Variants in MALT1 observed in about 807,000 individuals in gnomAD.
The protein encoded by MALT1 is MALT1 paracaspase, also known as mucosa-associated lymphoid tissue lymphoma translocation protein 1.
In MALT1, 36 loss-of-function variants were observed where a neutral mutation model predicts 85.5. The ratio of observed to expected loss-of-function variants is 0.42; its 90% confidence interval spans 0.32 to 0.56. The LOEUF is 0.56. MALT1 is among the 20% of genes least tolerant of loss of function. The pLI is 0.10. For missense variants in MALT1, 716 were observed against 981.6 expected, an observed-to-expected ratio of 0.73 and a Z score of 3.62; for synonymous variants, 359 against 361.3, an observed-to-expected ratio of 0.99 and a Z score of 0.07.
chr18:58,733,992 A>G, intron 11 of MALT1: 1 of 1,176,518 alleles, frequency 8.5e-7, no homozygotes, highest in Non-Finnish European at 1.1e-6. Context: ...TTTGGATCCC[A>G]TTTGTCTGCC....
intron 9 of MALT1, 82 bp downstream of exon 9, chr18:58,716,049 T>A: frequency 9.5e-7 from 1 of 1,056,182 alleles, no homozygotes; most frequent in Non-Finnish European, 1.4e-6. Context: ...TTTAATTTGG[T>A]TTTTTAAAGA....
At chr18:58,692,436 C>G (rs1328878140) in intron 2 of MALT1, among the ~76,000 whole-genome samples, 1 of 54,742 alleles carries the variant, frequency 1.8e-5, no homozygotes, top group African/African-American at 7.6e-5. Context: ...CTCTCTCTCT[C>G]ACTCTCTCCC....
intron 9 of MALT1, among the ~76,000 whole-genome samples, chr18:58,721,565 A>G (rs1486045592): frequency 1.3e-5 from 2 of 152,228 alleles, no homozygotes; most frequent in Admixed American, 1.3e-4. Flanking sequence ...AATAGAGATG[A>G]CATGATATAA....
rs115994644 is a variant in MALT1 at position 58,704,062 on chromosome 18, G to C, written c.649+3471G>C. Among the ~76,000 whole-genome samples the C allele has an allele frequency of 4.2e-3, 641 of 152,210 alleles. 7 individuals carry two copies. Among genetic ancestry groups the C allele is most frequent in the African/African-American group, 0.014 (593 of 41,534 alleles). ...TTCCATTGTATGGATTGACTAGTTTGTTTATTCATTCTCCTGTTGATAGAC... is the reference window on the plus strand; with the variant it reads ...TTCCATTGTATGGATTGACTAGTTTCTTTATTCATTCTCCTGTTGATAGAC... On this transcript the variant is annotated intron_variant, in intron 4 of 16. Coordinates refer to ENST00000649217, the MANE Select transcript of MALT1 (RefSeq NM_006785.4).
chr18:58,749,143 CATTATTCACAGTAATT>C lies in MALT1; in HGVS notation c.*1304_*1319del. 4.6e-6 allele frequency: 1 copy of C among 217,866 alleles called. No individual in the cohort carries two copies. The highest frequency in any genetic ancestry group is 9.2e-6 in the Non-Finnish European group (1 of 108,518). 13.5% of individuals were successfully genotyped at this position (217,866 alleles called of 1,614,324 possible). On this transcript the variant is annotated 3_prime_UTR_variant, in exon 17 of 17. Transcript: ENST00000649217. ...AATAAGCTAATATACAGTCAGTTCT[CATTATTCACAGTAATT>C]ATGTTCTACAGAATATTCTCCCATA...
Position 58,747,661 on chromosome 18 carries a change from C to T in MALT1, c.2294C>T (p.Pro765Leu). 6.2e-7 allele frequency: 1 copy of T among 1,614,160 alleles called. No homozygotes were observed. The highest frequency in any genetic ancestry group is 1.7e-5 in the Admixed American group (1 of 60,026). Residue 765 changes from proline (P) to leucine (L), a missense_variant, in exon 17 of 17, where the codon CCT becomes CTT. By Grantham distance (98) the Pro-to-Leu change is moderately conservative. Coordinates refer to ENST00000649217, the MANE Select transcript of MALT1 (RefSeq NM_006785.4). ...DPFHGVYHSH[P>L]GNPSNVTPAD... ...TTCCATGGTGTTTACCATTCACATC[C>T]TGGTAATCCAAGTAATGTTACACCA... is the stretch of plus-strand genomic sequence containing the variant.
In MALT1 at chr18:58,671,579, C is replaced by T. The variant is rs1352952726; in HGVS notation, c.-65C>T. 2.7e-6 allele frequency: 3 copies of T among 1,102,544 alleles called. No homozygotes were observed. The highest frequency in any genetic ancestry group is 3.4e-6 in the Non-Finnish European group (3 of 876,988). 68.3% of individuals were successfully genotyped at this position (1,102,544 alleles called of 1,614,324 possible). On this transcript the variant is annotated 5_prime_UTR_variant, in exon 1 of 17. Coordinates refer to ENST00000649217, the MANE Select transcript of MALT1 (RefSeq NM_006785.4). The stretch of plus-strand genomic sequence containing the variant: ...GGCTCGGAGGCGAGCGGAAGGTGCC[C>T]CGGGGCCGAGGCCCGTGACGGGGCG...
intron 2 of MALT1, among the ~76,000 whole-genome samples, chr18:58,688,041 C>T (rs1003942718): frequency 6.6e-6 from 1 of 152,188 alleles, no homozygotes; most frequent in Admixed American, 6.5e-5. Flanking sequence ...TGCCTTCGTA[C>T]AGCCTACGTA....
intron 7 of MALT1, among the ~76,000 whole-genome samples, chr18:58,711,553 C>A (rs1319599445): frequency 1.3e-5 from 2 of 152,126 alleles, no homozygotes; most frequent in African/African-American, 4.8e-5. Flanking sequence ...TCAACATAAA[C>A]TTCTAATTTG....
chr18:58,736,939 TTAG>T (rs1353493605), intron 13 of MALT1, among the ~76,000 whole-genome samples: 1 of 152,242 alleles, frequency 6.6e-6, no homozygotes, highest in Non-Finnish European at 1.5e-5. Flanking sequence ...GACCCCTGTC[TTAG>T]TAGTAAAGAG....
intron 9 of MALT1, among the ~76,000 whole-genome samples, chr18:58,721,935 G>A (rs8086599): frequency 0.18 from 27,333 of 151,996 alleles, 3,184 homozygotes; most frequent in African/African-American, 0.33. Flanking sequence ...TCTTCAGCCA[G>A]TTGGCTGGGG....
intron 13 of MALT1, among the ~76,000 whole-genome samples, chr18:58,738,531 G>A (rs2055256385): frequency 6.6e-6 from 1 of 152,002 alleles, no homozygotes; most frequent in Admixed American, 6.6e-5. Flanking sequence ...TGGGTCATAG[G>A]GTGTGACAGT....
chr18:58,718,357 C>T (rs1039314894), intron 9 of MALT1, among the ~76,000 whole-genome samples: 1 of 152,204 alleles, frequency 6.6e-6, no homozygotes, highest in Non-Finnish European at 1.5e-5. Flanking sequence ...GCATCCCCCA[C>T]CCCCAGGCTG....
intron 4 of MALT1, among the ~76,000 whole-genome samples, chr18:58,707,042 C>T (rs1325207852): frequency 2.0e-5 from 3 of 151,708 alleles, no homozygotes; most frequent in Admixed American, 6.6e-5. Flanking sequence ...CTTTCCTTCA[C>T]TTTATCTCTT....
intron 12 of MALT1, 44 bp downstream of exon 12, chr18:58,734,425 G>T (rs1249678608): frequency 6.6e-7 from 1 of 1,520,164 alleles, no homozygotes; most frequent in African/African-American, 1.4e-5. Flanking sequence ...TTTATTGTTT[G>T]ATGTCTTTTT....
At chr18:58,682,674 G>T (rs572205721) in intron 2 of MALT1, among the ~76,000 whole-genome samples, 92 of 152,342 alleles carry the variant, frequency 6.0e-4, no homozygotes, top group African/African-American at 2.2e-3. Context: ...GTTGGGTTGA[G>T]TCTGCTTTCC....
At chr18:58,717,287 C>T (rs2054915608) in intron 9 of MALT1, among the ~76,000 whole-genome samples, 1 of 150,850 alleles carries the variant, frequency 6.6e-6, no homozygotes, top group Non-Finnish European at 1.5e-5. Flanking sequence ...CTCTTGAACC[C>T]GAGAGGTGGA....
chr18:58,701,530 C>T (rs1473514372), intron 4 of MALT1, among the ~76,000 whole-genome samples: 2 of 152,118 alleles, frequency 1.3e-5, no homozygotes, highest in Non-Finnish European at 2.9e-5. Flanking sequence ...GTTCCCTTTT[C>T]TCTTTCTAGT....
chr18:58,745,664 A>G lies in MALT1; in HGVS notation c.1912-2A>G. On this transcript the variant is annotated splice_acceptor_variant, in intron 15 of 16. Coordinates refer to ENST00000649217, the MANE Select transcript of MALT1 (RefSeq NM_006785.4). LOFTEE classifies it high-confidence loss of function. ...AACAGTCCCTAATTTTTTTTTTTAC[A>G]GGATCTAGATATTGATCCAAAAGAT... The G allele has an allele frequency of 6.2e-7, 1 of 1,601,478 alleles. No individual in the cohort carries two copies. The highest frequency in any genetic ancestry group is 8.5e-7 in the Non-Finnish European group (1 of 1,175,680).
Sources: allele counts gnomAD v4.1 joint callset (sites outside exome capture counted in the v4.1 genomes callset), GRCh38; gene constraint gnomAD v4.1.1; transcripts MANE v1.5; gene names NCBI Gene and HGNC (gene_info 2026-07-23, HGNC 2026-07-21).